The following GABRA3 variants were observed in gnomAD, a reference collection of about 807,000 sequenced individuals.
GABRA3 encodes the protein gamma-aminobutyric acid receptor subunit alpha-3.
A neutral mutation model predicts 30.1 loss-of-function variants in GABRA3; 10 were observed. The ratio of observed to expected loss-of-function variants is 0.33; its 90% CI spans 0.20 to 0.56. The LOEUF is 0.56. Ranked by LOEUF, GABRA3 falls within the 20% of genes least tolerant of loss-of-function variation. The probability of loss-of-function intolerance (pLI) is 0.89; values close to 1 mark genes in which losing one functional copy is unlikely to be tolerated. For synonymous variants in GABRA3, 151 were observed against 146.8 expected, an observed-to-expected ratio of 1.03 and a Z score of -0.21; for missense variants, 233 against 392.0, an observed-to-expected ratio of 0.59 and a Z score of 3.42.
chrX:152,170,139 T>C (rs779374713), intron 9 of GABRA3, among the ~76,000 whole-genome samples: 16 of 112,132 alleles, frequency 1.4e-4, no homozygotes, highest in African/African-American at 4.9e-4. Flanking sequence ...ACGATTGCCA[T>C]TGAACGTGAT....
intron 5 of GABRA3, among the ~76,000 whole-genome samples, 163 bp downstream of exon 5, chrX:152,255,611 ATGTC>A (rs1938623791): frequency 8.9e-6 from 1 of 112,478 alleles, no homozygotes; most frequent in African/African-American, 3.2e-5. Flanking sequence ...TAGAATATAT[ATGTC>A]TGTGAGTATG....
At chrX:152,275,467 A>ATATATATATACATATTTATTT (rs1392945978) in intron 4 of GABRA3, among the ~76,000 whole-genome samples, 1 of 106,342 alleles carries the variant, frequency 9.4e-6, no homozygotes, top group Admixed American at 1.1e-4. Flanking sequence ...TAAATATCAA[A>ATATATATATACATATTTATTT]TAAATAGAGC....
chrX:152,316,394 C>T (rs1044317715), intron 3 of GABRA3, among the ~76,000 whole-genome samples: 1 of 111,564 alleles, frequency 9.0e-6, no homozygotes, highest in African/African-American at 3.3e-5. Flanking sequence ...AATTGCCATT[C>T]CTGAGGAAGA....
chrX:152,174,974 T>G (rs968529577), intron 9 of GABRA3, among the ~76,000 whole-genome samples: 10 of 111,781 alleles, frequency 8.9e-5, no homozygotes, highest in Non-Finnish European at 1.9e-4. Flanking sequence ...TTGTCTAAGG[T>G]GTAAGGAAGG....
chrX:152,411,139 G>A (rs1469940618), intron 1 of GABRA3, among the ~76,000 whole-genome samples: 1 of 111,028 alleles, frequency 9.0e-6, no homozygotes, highest in Non-Finnish European at 1.9e-5. Flanking sequence ...GTGAGACACT[G>A]TATCTACAAA....
intron 5 of GABRA3, among the ~76,000 whole-genome samples, chrX:152,251,468 G>T (rs1319913919): frequency 9.2e-6 from 1 of 108,361 alleles, no homozygotes; most frequent in Non-Finnish European, 1.9e-5. Context: ...TTTTATTGTT[G>T]TTTCTCCTCT....
intron 1 of GABRA3, among the ~76,000 whole-genome samples, chrX:152,383,973 C>A (rs758747671): frequency 4.4e-3 from 321 of 72,645 alleles, no homozygotes; most frequent in East Asian, 6.5e-3. Flanking sequence ...GACTCCACCA[C>A]AAAAAAAAAA....
chrX:152,272,381 C>CA (rs1938959187), intron 4 of GABRA3, among the ~76,000 whole-genome samples: 1 of 112,483 alleles, frequency 8.9e-6, no homozygotes, highest in African/African-American at 3.2e-5. Flanking sequence ...GGATTTTGGA[C>CA]ACGCATGGGG....
At chrX:152,184,839 CAT>C (rs1489701492) in intron 9 of GABRA3, among the ~76,000 whole-genome samples, 4 of 111,378 alleles carry the variant, frequency 3.6e-5, no homozygotes, top group African/African-American at 1.3e-4. Context: ...GTGATAAAAA[CAT>C]GTGGTTGATC....
chrX:152,407,617 G>C (rs1282308821), intron 1 of GABRA3, among the ~76,000 whole-genome samples: 2 of 111,788 alleles, frequency 1.8e-5, no homozygotes, highest in African/African-American at 6.5e-5. Context: ...CTCAGGACCT[G>C]ATGGCTTCAC....
At chrX:152,287,264 A>G (rs1939313429) in intron 3 of GABRA3, among the ~76,000 whole-genome samples, 1 of 111,571 alleles carries the variant, frequency 9.0e-6, no homozygotes, top group African/African-American at 3.3e-5. Flanking sequence ...AGTAGGGAAA[A>G]GTCTATAAAA....
At chrX:152,304,853 G>GTA (rs1279697130) in intron 3 of GABRA3, among the ~76,000 whole-genome samples, 2 of 111,526 alleles carry the variant, frequency 1.8e-5, no homozygotes, top group African/African-American at 6.5e-5. Context: ...AATGACATTG[G>GTA]TAGCTTGATA....
intron 9 of GABRA3, among the ~76,000 whole-genome samples, chrX:152,169,480 T>C (rs1480407634): frequency 1.8e-5 from 2 of 111,982 alleles, no homozygotes; most frequent in African/African-American, 6.5e-5. Context: ...TGCTCTCATA[T>C]ATATGAACTT....
At chrX:152,369,138 G>T (rs1316265405) in intron 1 of GABRA3, among the ~76,000 whole-genome samples, 1 of 110,942 alleles carries the variant, frequency 9.0e-6, no homozygotes, top group East Asian at 2.8e-4. Context: ...TTTTGATAAT[G>T]CCCAGTCTAA....
At chrX:152,385,826 C>T (rs1427648464) in intron 1 of GABRA3, among the ~76,000 whole-genome samples, 12 of 111,370 alleles carry the variant, frequency 1.1e-4, no homozygotes, top group African/African-American at 3.9e-4. Context: ...GCCAGTTTTC[C>T]CAGCACCATT....
intron 1 of GABRA3, among the ~76,000 whole-genome samples, chrX:152,428,400 T>A (rs1003720610): frequency 8.9e-6 from 1 of 112,045 alleles, no homozygotes; most frequent in African/African-American, 3.2e-5. Flanking sequence ...CGCTAAAGAG[T>A]AACTGCAGAT....
At chrX:152,367,887 C>G (rs1928699784) in intron 1 of GABRA3, among the ~76,000 whole-genome samples, 1 of 112,170 alleles carries the variant, frequency 8.9e-6, no homozygotes, top group African/African-American at 3.2e-5. Context: ...AACCACACAT[C>G]TGATCTATTA....
chrX:152,215,917 T>A (rs1367293229), intron 6 of GABRA3, among the ~76,000 whole-genome samples: 1 of 111,238 alleles, frequency 9.0e-6, no homozygotes, highest in Non-Finnish European at 1.9e-5. Flanking sequence ...ATTTTAAAAA[T>A]GGGCAAAAGA....
At chrX:152,260,633 C>T (rs1219446799) in intron 4 of GABRA3, among the ~76,000 whole-genome samples, 1 of 111,798 alleles carries the variant, frequency 8.9e-6, no homozygotes, top group Non-Finnish European at 1.9e-5. Context: ...TGTCTAAGAA[C>T]ATTAAGGCAG....
Sources: allele counts gnomAD v4.1 joint callset (sites outside exome capture counted in the v4.1 genomes callset), GRCh38; gene constraint gnomAD v4.1.1; transcripts MANE v1.5; gene names NCBI Gene and HGNC (gene_info 2026-07-23, HGNC 2026-07-21).